Variants in RAP1B observed in about 807,000 individuals in gnomAD.
The protein encoded by RAP1B is RAP1B, member of RAS oncogene family.
Under a neutral mutation model 27.5 loss-of-function variants are expected in RAP1B, and 1 was observed. The observed-to-expected ratio is 0.04, with a 90% confidence interval of 0.01 to 0.17. The LOEUF (loss-of-function observed/expected upper bound fraction) is 0.17, where lower values mean the gene tolerates loss of function less well. RAP1B is among the 10% of genes least tolerant of loss of function. The pLI, the probability that RAP1B is intolerant of heterozygous loss-of-function variation, is 1.00. For missense variants in RAP1B, 84 were observed against 214.8 expected, an observed-to-expected ratio of 0.39 and a Z score of 3.81; for synonymous variants, 75 against 73.1, an observed-to-expected ratio of 1.03 and a Z score of -0.13.
intron 1 of RAP1B, among the ~76,000 whole-genome samples, chr12:68,633,277 C>T (rs1306938053): frequency 3.9e-5 from 6 of 152,224 alleles, no homozygotes; most frequent in South Asian, 2.1e-4. Flanking sequence ...TTCCCCAGAG[C>T]GCCCTCACTT....
At position 68,661,680 on chromosome 12, in the gene RAP1B, G is replaced by A. The variant is rs1874601830; in HGVS notation, c.*2431G>A. On this transcript the variant is annotated 3_prime_UTR_variant, in exon 8 of 8. Transcript: ENST00000250559. ...GTTGTGGCAACCAAAAATGTTTCCAGACATTGCCAGATGTTCCCCAGTTGG... is the reference window on the plus strand; with the variant it reads ...GTTGTGGCAACCAAAAATGTTTCCAAACATTGCCAGATGTTCCCCAGTTGG... The A allele has an allele frequency of 1.3e-5, 2 of 151,902 alleles. No individual in the cohort carries two copies. Among genetic ancestry groups the A allele is most frequent in the African/African-American group, 4.8e-5 (2 of 41,362 alleles). The allele number at this position is 151,902 out of a possible 1,614,324, so 9.4% of individuals were successfully genotyped here.
rs1466654852 is a variant in RAP1B, at chr12:68,664,683, T to C, written c.*5434T>C. ...GAGATCACACCACTGCACTTCAGCA[T>C]GGGCAACAGAGTGAGACTGCAAAAA... On this transcript the variant is annotated 3_prime_UTR_variant, in exon 8 of 8. Coordinates refer to ENST00000250559, the MANE Select transcript of RAP1B (RefSeq NM_001010942.3). 6.6e-6 allele frequency: 1 copy of C among 151,312 alleles called. No individual in the cohort carries two copies. Among genetic ancestry groups the C allele is most frequent in the Non-Finnish European group, 1.5e-5 (1 of 67,894 alleles). The allele number at this position is 151,312 out of a possible 1,614,324, so 9.4% of individuals were successfully genotyped here.
intron 1 of RAP1B, among the ~76,000 whole-genome samples, chr12:68,647,382 T>A (rs906743208): frequency 1.0e-3 from 2 of 1,936 alleles, no homozygotes; most frequent in East Asian, 0.026. Flanking sequence ...CCCACTCCAC[T>A]CCCCGCCCCC....
chr12:68,650,861 A>T (rs1873765809), intron 3 of RAP1B: 1 of 152,964 alleles, frequency 6.5e-6, no homozygotes, highest in Non-Finnish European at 1.5e-5. Flanking sequence ...GCCACCACTC[A>T]CAATACTGGT....
At chr12:68,635,458 T>C (rs1410317599) in intron 1 of RAP1B, among the ~76,000 whole-genome samples, 3 of 152,088 alleles carry the variant, frequency 2.0e-5, no homozygotes, top group Non-Finnish European at 2.9e-5. Flanking sequence ...GGAACCAGTA[T>C]TTAAGGCCTC....
At chr12:68,616,921 T>G (rs935208982) in intron 1 of RAP1B, among the ~76,000 whole-genome samples, 1 of 152,146 alleles carries the variant, frequency 6.6e-6, no homozygotes, top group Admixed American at 6.5e-5. Flanking sequence ...ATTGCCGAAG[T>G]GGTGGATTGC....
At chr12:68,647,879 T>C (rs1479160698) in intron 1 of RAP1B, 1 of 152,202 alleles carries the variant, frequency 6.6e-6, no homozygotes, top group African/African-American at 2.4e-5. Context: ...AAATCAGTTA[T>C]AGTAGCTTTG....
Position 68,669,935 on chromosome 12 carries a change from C to CTT in RAP1B, c.*10705_*10706dup, listed in dbSNP as rs549794675. The CTT allele has an allele frequency of 0.54, 56,690 of 105,330 alleles. 17,094 individuals carry two copies. Among genetic ancestry groups the CTT allele is most frequent in the Non-Finnish European group, 0.64 (35,534 of 55,746 alleles). 6.5% of individuals were successfully genotyped at this position (105,330 alleles called of 1,614,324 possible). A position where few individuals can be genotyped will look rare whatever the true frequency, so the allele number is the denominator to read the frequency against. ...GACAAAAATATATTTCTTTTTCTTTCTTTTTTTTTTTTTTTTTTTTGAGAC... is the reference window on the plus strand; with the variant it reads ...GACAAAAATATATTTCTTTTTCTTTCTTTTTTTTTTTTTTTTTTTTTTGAGAC... On this transcript the variant is annotated 3_prime_UTR_variant, in exon 8 of 8. Coordinates refer to ENST00000250559, the MANE Select transcript of RAP1B (RefSeq NM_001010942.3).
chr12:68,665,134 T>G lies in RAP1B; in HGVS notation c.*5885T>G, dbSNP rs1353330088. 1 of 152,226 alleles carries G rather than the reference T, an allele frequency of 6.6e-6. No homozygotes were observed. Among genetic ancestry groups the G allele is most frequent in the Non-Finnish European group, 1.5e-5 (1 of 68,076 alleles). The allele number at this position is 152,226 out of a possible 1,614,324, so 9.4% of individuals were successfully genotyped here. A position where few individuals can be genotyped will look rare whatever the true frequency, so the allele number is the denominator to read the frequency against. The stretch of plus-strand genomic sequence containing the variant: ...GGGAGACCCTGTCACTTGACAAAAG[T>G]ATCTTTCCCTACTGGAAATGGAATA... On this transcript the variant is annotated 3_prime_UTR_variant, in exon 8 of 8. Transcript: ENST00000250559.
At chr12:68,651,783 A>G (rs1036722626) in intron 3 of RAP1B, 44 of 511,494 alleles carry the variant, frequency 8.6e-5, no homozygotes, top group Non-Finnish European at 1.1e-4. Flanking sequence ...TTGAGAACAC[A>G]TGGCTTTTGA....
chr12:68,640,616 A>G (rs1872929779), intron 1 of RAP1B, among the ~76,000 whole-genome samples: 1 of 152,164 alleles, frequency 6.6e-6, no homozygotes, highest in African/African-American at 2.4e-5. Flanking sequence ...CTCAGCATCA[A>G]ATAAACAAGA....
chr12:68,668,201 T>C lies in RAP1B; in HGVS notation c.*8952T>C, dbSNP rs1051653621. ...CAAGGGAGAGTAAAGAGGATAGGTC[T>C]CAGTATGTCATCCAAACAGGATGGA... On this transcript the variant is annotated 3_prime_UTR_variant, in exon 8 of 8. Coordinates refer to ENST00000250559, the MANE Select transcript of RAP1B (RefSeq NM_001010942.3). 1.3e-5 allele frequency: 2 copies of C among 152,208 alleles called. No homozygotes were observed. The highest frequency in any genetic ancestry group is 2.9e-5 in the Non-Finnish European group (2 of 68,046). The allele number at this position is 152,208 out of a possible 1,614,324, so 9.4% of individuals were successfully genotyped here.
chr12:68,613,093 G>C (rs767850183), intron 1 of RAP1B, among the ~76,000 whole-genome samples: 8 of 152,218 alleles, frequency 5.3e-5, no homozygotes, highest in African/African-American at 1.9e-4. Context: ...GGTGGTTTAC[G>C]CCTGTAATCC....
intron 1 of RAP1B, among the ~76,000 whole-genome samples, chr12:68,628,732 A>G (rs1267708655): frequency 1.3e-5 from 2 of 152,226 alleles, no homozygotes; most frequent in African/African-American, 4.8e-5. Context: ...TTCATAAGCA[A>G]AAATCCAAAA....
rs1025413484 is a variant in RAP1B at position 68,619,938 on chromosome 12, A to G, written c.-27+8895A>G. On this transcript the variant is annotated intron_variant, in intron 1 of 7. Transcript: ENST00000250559. ...GTTTTGTATACCTGACTGCTCATCT[A>G]TAGACAGAATTCCCTTGTGTCCAAA... Among the ~76,000 whole-genome samples, 8 of 152,150 alleles carry G rather than the reference A, an allele frequency of 5.3e-5. No individual in the cohort carries two copies. In the South Asian group the frequency reaches 1.4e-3, roughly 28 times the overall value.
chr12:68,625,572 A>G (rs1393382008), intron 1 of RAP1B, among the ~76,000 whole-genome samples: 1 of 152,222 alleles, frequency 6.6e-6, no homozygotes, highest in African/African-American at 2.4e-5. Context: ...TTGAATGTAT[A>G]ATATAATCAT....
intron 1 of RAP1B, among the ~76,000 whole-genome samples, chr12:68,628,378 C>T (rs1003266944): frequency 7.9e-5 from 12 of 152,158 alleles, no homozygotes; most frequent in East Asian, 1.9e-4. Context: ...AATACGGTTT[C>T]GGGTGTTTGT....
chr12:68,653,985 T>G, intron 4 of RAP1B, 127 bp from the exon 5 acceptor site: 2 of 843,838 alleles, frequency 2.4e-6, no homozygotes, highest in Middle Eastern at 3.1e-4. Context: ...TGTCATAGAT[T>G]ATAATTTTAA....
Position 68,668,950 on chromosome 12 carries a change from G to A in RAP1B, c.*9701G>A, listed in dbSNP as rs538606240. ...TCAGCAATGCTATGAAATAGGGGCT[G>A]AGTCTCCTAATAGAGCTAATGAATG... is the stretch of plus-strand genomic sequence containing the variant. On this transcript the variant is annotated 3_prime_UTR_variant, in exon 8 of 8. Coordinates refer to ENST00000250559, the MANE Select transcript of RAP1B (RefSeq NM_001010942.3). 99 of 152,262 alleles carry A rather than the reference G, an allele frequency of 6.5e-4. 1 individual carries two copies. Among genetic ancestry groups the A allele is most frequent in the African/African-American group, 2.2e-3 (93 of 41,550 alleles). The allele number at this position is 152,262 out of a possible 1,614,324, so 9.4% of individuals were successfully genotyped here.
Sources: allele counts gnomAD v4.1 joint callset (sites outside exome capture counted in the v4.1 genomes callset), GRCh38; gene constraint gnomAD v4.1.1; transcripts MANE v1.5; gene names NCBI Gene and HGNC (gene_info 2026-07-23, HGNC 2026-07-21).